Variants in TNRC6C observed in about 807,000 individuals in gnomAD.
TNRC6C encodes the protein trinucleotide repeat containing adaptor 6C.
TNRC6C carries 20 observed loss-of-function variants against 153.7 expected under a neutral mutation model. The ratio of observed to expected loss-of-function variants is 0.13; its 90% CI spans 0.09 to 0.19. The LOEUF is 0.19. Ranked by LOEUF, TNRC6C falls within the 10% of genes least tolerant of loss-of-function variation. TNRC6C has a pLI of 1.00. For missense variants in TNRC6C, 1,987 were observed against 2,172.0 expected (o/e 0.91, Z 1.69); for synonymous variants, 811 against 841.4 (o/e 0.96, Z 0.63).
chr17:78,085,962 GA>G (rs1269505460), intron 11 of TNRC6C, among the ~76,000 whole-genome samples: 2 of 151,898 alleles, frequency 1.3e-5, no homozygotes, highest in African/African-American at 4.8e-5. Flanking sequence ...TTGACTCTGT[GA>G]TTTTTTTTAG....
At chr17:78,106,405 T>C (rs890237527) in exon 20 of TNRC6C, 2 of 151,954 alleles carry the variant, frequency 1.3e-5, no homozygotes, top group African/African-American at 4.8e-5. Flanking sequence ...TGACAGGCGT[T>C]GTGGCCACTG....
Position 78,088,008 on chromosome 17 carries a change from G to A in TNRC6C, c.3802+915G>A, listed in dbSNP as rs1409051262. Among the ~76,000 whole-genome samples, 4 of 152,240 alleles carry A rather than the reference G, an allele frequency of 2.6e-5. 1 individual carries two copies. Among genetic ancestry groups the A allele is most frequent in the African/African-American group, 9.6e-5 (4 of 41,462 alleles). On this transcript the variant is annotated intron_variant, in intron 13 of 19. Coordinates refer to ENST00000301624, the Ensembl canonical transcript of TNRC6C. The stretch of plus-strand genomic sequence containing the variant: ...ATTGCTATTAGAGTCTGTAGATACA[G>A]GACAAAGGGTTATCGGTAACTTGGA...
At chr17:78,091,390 T>C in intron 13 of TNRC6C, 50 bp from the exon 16 acceptor site, 1 of 1,486,712 alleles carries the variant, frequency 6.7e-7, no homozygotes, top group Non-Finnish European at 9.0e-7. Flanking sequence ...AGCTTTAGAA[T>C]GAAGTCATTT....
rs2073651493 is a variant in TNRC6C at position 78,104,382 on chromosome 17, A to G, written c.4713-103A>G. Reference sequence around the variant, plus strand: ...GCAGTGGCAAAACAGAAGCCACAGGATGGCTTCCATGTGGGGCCGTTCCCA... The same window carrying G: ...GCAGTGGCAAAACAGAAGCCACAGGGTGGCTTCCATGTGGGGCCGTTCCCA... On this transcript the variant is annotated intron_variant, in intron 19 of 19. Transcript: ENST00000301624. This position sits in a 1 kb window ranked among gnomAD's most constrained non-coding sequence, Gnocchi z 6.2. The G allele has an allele frequency of 2.2e-6, 3 of 1,380,464 alleles. No homozygotes were observed. Among genetic ancestry groups the G allele is most frequent in the Non-Finnish European group, 2.8e-6 (3 of 1,059,152 alleles). The allele number at this position is 1,380,464 out of a possible 1,614,324, so 85.5% of individuals were successfully genotyped here.
chr17:78,039,421 G>T (rs2072249711), intron 2 of TNRC6C, among the ~76,000 whole-genome samples: 1 of 151,366 alleles, frequency 6.6e-6, no homozygotes, highest in African/African-American at 2.4e-5. Flanking sequence ...AGCTTCATTG[G>T]TTTTGTAGCG....
At chr17:78,020,555 A>C (rs1278591578) in intron 1 of TNRC6C, among the ~76,000 whole-genome samples, 1 of 152,218 alleles carries the variant, frequency 6.6e-6, no homozygotes, top group African/African-American at 2.4e-5. Flanking sequence ...CCTTTCCAAT[A>C]ATACAATGCC....
In TNRC6C at chr17:78,049,595, A is replaced by C; in HGVS notation, c.533A>C (p.Asn178Thr). The C allele has an allele frequency of 6.2e-7, 1 of 1,613,938 alleles. No homozygotes were observed. Among genetic ancestry groups the C allele is most frequent in the South Asian group, 1.1e-5 (1 of 91,080 alleles). ...GTGTCTTTCAGCGCACAACCTCAGAACCTTAACACTGATGGACCAAATAAC... is the reference window on the plus strand; with the variant it reads ...GTGTCTTTCAGCGCACAACCTCAGACCCTTAACACTGATGGACCAAATAAC... Residue 178 changes from asparagine to threonine, a missense_variant, in exon 3 of 20, where the codon AAC becomes ACC. Physicochemically the swap from Asn to Thr is moderately conservative, Grantham distance 65. Around this residue, in one of 4 missense-constraint regions of TNRC6C, gnomAD observed 1,052 missense variants for 1,017.0 expected, o/e 1.03. Coordinates refer to ENST00000301624, the Ensembl canonical transcript of TNRC6C. This position sits in a 1 kb window ranked among gnomAD's most constrained non-coding sequence, Gnocchi z 4.1.
intron 2 of TNRC6C, among the ~76,000 whole-genome samples, chr17:78,042,184 CT>C (rs1567930878): frequency 6.6e-6 from 1 of 152,174 alleles, no homozygotes; most frequent in Non-Finnish European, 1.5e-5. Context: ...TATTTATAGA[CT>C]GTAAACCACT....
chr17:77,980,947 C>T lies in TNRC6C; in HGVS notation c.-38+21679C>T, dbSNP rs556642874. Reference sequence around the variant, plus strand: ...CATTTGGAAGCTCTCCAAACCCAATCCTTTTGGGTTTGTTTTGTTTTGTTA... The same window carrying T: ...CATTTGGAAGCTCTCCAAACCCAATTCTTTTGGGTTTGTTTTGTTTTGTTA... On this transcript the variant is annotated intron_variant, in intron 1 of 22. Coordinates refer to the TNRC6C transcript ENST00000636222. 1.6e-4 allele frequency among the ~76,000 whole-genome samples: 24 copies of T among 152,200 alleles called. No homozygotes were observed. The South Asian group carries it at 5.0e-3, about 32-fold the overall frequency.
chr17:77,982,838 A>G (rs752445302), intron 1 of TNRC6C, among the ~76,000 whole-genome samples: 172 of 152,248 alleles, frequency 1.1e-3, no homozygotes, highest in Non-Finnish European at 1.9e-3. Context: ...GTCAAAAAAA[A>G]GGACAAGTTC....
At position 78,103,690 on chromosome 17, in the gene TNRC6C, C is replaced by A. The variant is rs1021222231; in HGVS notation, c.4712+137C>A. On this transcript the variant is annotated intron_variant, in intron 19 of 19. Coordinates refer to ENST00000301624, the Ensembl canonical transcript of TNRC6C. ...CTGGCCACCCTCCCACTTCTGGAGG[C>A]TGGAAGTCTGATACCCAAGATGAAG... 2.1e-5 allele frequency: 26 copies of A among 1,260,766 alleles called. 1 individual carries two copies. Among genetic ancestry groups the A allele is most frequent in the East Asian group, 1.7e-4 (7 of 40,064 alleles). 78.1% of individuals were successfully genotyped at this position (1,260,766 alleles called of 1,614,324 possible).
rs537034983 is a variant in TNRC6C, at chr17:78,038,886, C to G, written c.-219+7044C>G. Among the ~76,000 whole-genome samples, 19 of 152,138 alleles carry G rather than the reference C, an allele frequency of 1.2e-4. No homozygotes were observed. The South Asian group carries it at 3.7e-3, about 30-fold the overall frequency. On this transcript the variant is annotated intron_variant, in intron 2 of 19. Coordinates refer to ENST00000301624, the Ensembl canonical transcript of TNRC6C. ...CACATATTAACTCATTTAATCTTCTCAAGACCCTGTAATCACCGCAGGCGA... is the reference window on the plus strand; with the variant it reads ...CACATATTAACTCATTTAATCTTCTGAAGACCCTGTAATCACCGCAGGCGA...
At chr17:78,064,741 A>C (rs2072838525) in exon 4 of TNRC6C, 1 of 1,613,634 alleles carries the variant, frequency 6.2e-7, no homozygotes, top group Non-Finnish European at 8.5e-7. Context: ...GCTGGGGAGA[A>C]ATGCCTAATG....
chr17:78,059,462 G>C (rs1462470793), intron 3 of TNRC6C, among the ~76,000 whole-genome samples: 1 of 152,210 alleles, frequency 6.6e-6, no homozygotes, highest in Non-Finnish European at 1.5e-5. Context: ...CTCAGTGCAA[G>C]TCCGTGGCGT....
intron 11 of TNRC6C, 96 bp downstream of exon 13, chr17:78,083,262 C>A (rs761782430): frequency 6.6e-7 from 1 of 1,519,034 alleles, no homozygotes; most frequent in Non-Finnish European, 8.9e-7. Context: ...TTTGTCTTCA[C>A]GTCAGGGATG....
chr17:78,006,539 T>TC (rs1215699195), intron 1 of TNRC6C, among the ~76,000 whole-genome samples: 1 of 139,420 alleles, frequency 7.2e-6, no homozygotes, highest in African/African-American at 2.9e-5. Flanking sequence ...TTCTTCTTCT[T>TC]CTTCTTCTTC....
chr17:78,028,807 G>A (rs747411320), intron 1 of TNRC6C, among the ~76,000 whole-genome samples: 6 of 152,186 alleles, frequency 3.9e-5, no homozygotes, highest in Non-Finnish European at 7.3e-5. Context: ...TCAAACCAGT[G>A]ATGTTTACAA....
At chr17:77,978,594 C>T (rs1413869930) in intron 1 of TNRC6C, among the ~76,000 whole-genome samples, 1 of 152,158 alleles carries the variant, frequency 6.6e-6, no homozygotes, top group Non-Finnish European at 1.5e-5. Flanking sequence ...CACATGACCC[C>T]TCAGAAGCAT....
At chr17:78,089,454 G>C (rs1324097301) in intron 13 of TNRC6C, among the ~76,000 whole-genome samples, 3 of 152,138 alleles carry the variant, frequency 2.0e-5, no homozygotes, top group South Asian at 4.1e-4. Context: ...TGCCTATCTT[G>C]TTGGCTCTCA....
Sources: allele counts gnomAD v4.1 joint callset (sites outside exome capture counted in the v4.1 genomes callset), GRCh38; gene constraint gnomAD v4.1.1; regional missense constraint gnomAD v4.1.1; non-coding constraint Gnocchi (gnomAD v3.1); transcripts MANE v1.5; gene names NCBI Gene and HGNC (gene_info 2026-07-23, HGNC 2026-07-21).